ASS1: variants seen among roughly 807,000 people sequenced by gnomAD.
ASS1 encodes the protein argininosuccinate synthase 1, also known as argininosuccinate synthase.
A neutral mutation model predicts 60.5 loss-of-function variants in ASS1; 58 were observed. That is an observed-to-expected ratio of 0.96 (90% CI 0.78 to 1.19). ASS1 has a LOEUF of 1.19. Among genes scored for constraint, ASS1 ranks in the 50% most tolerant of loss-of-function variants. The pLI is 0.00. For synonymous variants in ASS1, 200 were observed against 206.9 expected (o/e 0.97, Z 0.29); for missense variants, 454 against 547.3 (o/e 0.83, Z 1.70).
intron 3 of ASS1, among the ~76,000 whole-genome samples, chr9:130,458,069 G>C (rs879655256): frequency 3.3e-5 from 5 of 151,996 alleles, no homozygotes; most frequent in Non-Finnish European, 5.9e-5. Flanking sequence ...TGAGGCAGGG[G>C]AGTTGCTTGA....
intron 11 of ASS1, among the ~76,000 whole-genome samples, chr9:130,485,913 T>G (rs1365422360): frequency 6.6e-6 from 1 of 152,248 alleles, no homozygotes; most frequent in Non-Finnish European, 1.5e-5. Context: ...CTGGTCTTTC[T>G]GGACACACTG....
At chr9:130,467,304 GC>G (rs1845766457) in intron 6 of ASS1, among the ~76,000 whole-genome samples, 1 of 152,180 alleles carries the variant, frequency 6.6e-6, no homozygotes, top group African/African-American at 2.4e-5. Context: ...TATGGCACCA[GC>G]CCTTTTTGAA....
intron 14 of ASS1, among the ~76,000 whole-genome samples, chr9:130,500,366 A>G (rs933975639): frequency 2.0e-5 from 3 of 152,190 alleles, no homozygotes; most frequent in Admixed American, 1.3e-4. Context: ...AGGGTCACAC[A>G]GCTAGGAGGT....
At chr9:130,472,356 G>A (rs562680169) in intron 8 of ASS1, among the ~76,000 whole-genome samples, 6 of 152,282 alleles carry the variant, frequency 3.9e-5, no homozygotes, top group South Asian at 2.1e-4. Flanking sequence ...GGGCCCGGGC[G>A]TCTGTCACTC....
At position 130,478,600 on chromosome 9, in the gene ASS1, A is replaced by G. The variant is rs1024969509; in HGVS notation, c.689-1116A>G. ...TTAATCTAATTATTAACTATTTTAA[A>G]GGCTAAGAGGCTTTCTCCAGCAGCA... On this transcript the variant is annotated intron_variant, in intron 9 of 14. Transcript: ENST00000352480. This position sits in a 1 kb window ranked among gnomAD's most constrained non-coding sequence, Gnocchi z 4.7. 6.6e-6 allele frequency among the ~76,000 whole-genome samples: 1 copy of G among 152,220 alleles called. No homozygotes were observed. The highest frequency in any genetic ancestry group is 1.5e-5 in the Non-Finnish European group (1 of 68,038).
At chr9:130,469,068 C>T (rs990778275) in intron 6 of ASS1, among the ~76,000 whole-genome samples, 1 of 152,340 alleles carries the variant, frequency 6.6e-6, no homozygotes, top group East Asian at 1.9e-4. Flanking sequence ...AAGGTTCTTT[C>T]ACGCCACCGC....
intron 11 of ASS1, among the ~76,000 whole-genome samples, chr9:130,483,955 C>T (rs909290564): frequency 1.3e-5 from 2 of 152,128 alleles, no homozygotes; most frequent in Admixed American, 6.5e-5. Flanking sequence ...CCCAACGTGC[C>T]CACCCACCAT....
intron 2 of ASS1, among the ~76,000 whole-genome samples, chr9:130,453,864 C>T (rs1483021701): frequency 6.6e-6 from 1 of 152,248 alleles, no homozygotes; most frequent in Non-Finnish European, 1.5e-5. Context: ...TCTCAGCTGC[C>T]TCAGGATGGC....
intron 5 of ASS1, 59 bp downstream of exon 5, chr9:130,464,226 A>C: frequency 6.4e-7 from 1 of 1,565,846 alleles, no homozygotes. Flanking sequence ...CCTGATGGGG[A>C]GGAGGGCACA....
At position 130,489,435 on chromosome 9, in the gene ASS1, G is replaced by C; in HGVS notation, c.941G>C (p.Gly314Ala). 1 of 1,614,080 alleles carries C rather than the reference G, an allele frequency of 6.2e-7. No individual in the cohort carries two copies. Among genetic ancestry groups the C allele is most frequent in the Non-Finnish European group, 8.5e-7 (1 of 1,180,032 alleles). ...REVRKIKQGL[G>A]LKFAELVYTG... ...GTGCGCAAAATCAAACAAGGCCTGG[G>C]CTTGAAATTTGCTGAGCTGGTGTAT... The change falls in exon 12 of 15, where the codon GGC becomes GCC. Residue 314 changes from glycine to alanine, a missense_variant. Coordinates refer to ENST00000352480, the MANE Select transcript of ASS1 (RefSeq NM_054012.4). This position sits in a 1 kb window ranked among gnomAD's most constrained non-coding sequence, Gnocchi z 4.1.
Position 130,452,318 on chromosome 9 carries a change from C to A in ASS1, c.90C>A (p.Asp30Glu). Residue 30 changes from aspartate (D) to glutamate (E), a missense_variant, in exon 2 of 15, where the codon GAC becomes GAA. Coordinates refer to ENST00000352480, the MANE Select transcript of ASS1 (RefSeq NM_054012.4). ...ILVWLKEQGY[D>E]VIAYLANIGQ... ...TGTGGCTGAAGGAACAAGGCTATGACGTCATTGCCTATCTGGTGAGGGAGC... is the reference window on the plus strand; with the variant it reads ...TGTGGCTGAAGGAACAAGGCTATGAAGTCATTGCCTATCTGGTGAGGGAGC... 2 of 1,614,024 alleles carry A rather than the reference C, an allele frequency of 1.2e-6. No homozygotes were observed. Among genetic ancestry groups the A allele is most frequent in the Non-Finnish European group, 1.7e-6 (2 of 1,179,904 alleles).
intron 11 of ASS1, among the ~76,000 whole-genome samples, chr9:130,482,378 G>A (rs1846195982): frequency 6.6e-6 from 1 of 151,550 alleles, no homozygotes. Flanking sequence ...ATAAGGGCCT[G>A]CCACAGGCAT....
intron 2 of ASS1, 78 bp from the exon 3 acceptor site, chr9:130,454,227 G>A (rs1845385980): frequency 1.4e-6 from 2 of 1,427,132 alleles, no homozygotes; most frequent in South Asian, 1.2e-5. Context: ...CAGGGGGTGG[G>A]AGGCTGCTGC....
intron 8 of ASS1, among the ~76,000 whole-genome samples, chr9:130,474,434 G>A (rs935919365): frequency 2.6e-5 from 4 of 152,104 alleles, no homozygotes; most frequent in Non-Finnish European, 5.9e-5. Context: ...GACAAGCAAC[G>A]CATTGAAAAC....
intron 13 of ASS1, among the ~76,000 whole-genome samples, chr9:130,497,058 T>C (rs1003977420): frequency 1.1e-4 from 16 of 152,210 alleles, no homozygotes; most frequent in Non-Finnish European, 5.9e-5. Context: ...TACAACTGAG[T>C]CAGTTTAGAT....
chr9:130,472,553 G>C (rs1479145135), intron 8 of ASS1, among the ~76,000 whole-genome samples: 2 of 152,304 alleles, frequency 1.3e-5, no homozygotes, highest in African/African-American at 4.8e-5. Context: ...GAGGGAACGG[G>C]CCCTGGGGCT....
intron 13 of ASS1, among the ~76,000 whole-genome samples, chr9:130,496,026 G>A (rs940733788): frequency 6.6e-6 from 1 of 152,118 alleles, no homozygotes; most frequent in Non-Finnish European, 1.5e-5. Flanking sequence ...CTAGAGTTGA[G>A]GAGAACCCAG....
Position 130,489,240 on chromosome 9 carries a change from T to C in ASS1, c.839-93T>C. The C allele has an allele frequency of 6.5e-7, 1 of 1,527,334 alleles. No homozygotes were observed. Among genetic ancestry groups the C allele is most frequent in the Non-Finnish European group, 9.0e-7 (1 of 1,114,196 alleles). 94.6% of individuals were successfully genotyped at this position (1,527,334 alleles called of 1,614,324 possible). A position where few individuals can be genotyped will look rare whatever the true frequency, so the allele number is the denominator to read the frequency against. ...TCTCCTGTCAGACGACTCATTATTA[T>C]TATTATTTTTTTTTTTGTCATTTGC... On this transcript the variant is annotated intron_variant, in intron 11 of 14. Coordinates refer to ENST00000352480, the MANE Select transcript of ASS1 (RefSeq NM_054012.4). The surrounding 1 kb of genome is among the most constrained non-coding windows in gnomAD (Gnocchi z 4.1).
Position 130,482,908 on chromosome 9 carries a change from G to A in ASS1, c.838+2459G>A, listed in dbSNP as rs17147018. The stretch of plus-strand genomic sequence containing the variant: ...TCAGTGTCGTACAGGGAAGAAAATC[G>A]GGATTCTGACGGCAAGAACTTGCTG... On this transcript the variant is annotated intron_variant, in intron 11 of 14. Transcript: ENST00000352480. Among the ~76,000 whole-genome samples, 17 of 152,264 alleles carry A rather than the reference G, an allele frequency of 1.1e-4. No homozygotes were observed. The South Asian group carries it at 2.1e-3, about 19-fold the overall frequency.
Sources: allele counts gnomAD v4.1 joint callset (sites outside exome capture counted in the v4.1 genomes callset), GRCh38; gene constraint gnomAD v4.1.1; non-coding constraint Gnocchi (gnomAD v3.1); transcripts MANE v1.5; gene names NCBI Gene and HGNC (gene_info 2026-07-23, HGNC 2026-07-21).